The following SOAT2 variants were observed in gnomAD, a reference collection of about 807,000 sequenced individuals.
SOAT2 encodes the protein sterol O-acyltransferase 2, also known as ACAT-2.
A neutral mutation model predicts 76.0 loss-of-function variants in SOAT2; 87 were observed. The ratio of observed to expected loss-of-function variants is 1.14; its 90% CI spans 0.96 to 1.37. SOAT2 has a LOEUF of 1.37. Ranked by LOEUF, SOAT2 falls within the 40% of genes most tolerant of loss-of-function variation. The pLI is 0.00. For missense variants in SOAT2, 686 were observed against 682.1 expected (o/e 1.01, Z -0.06); for synonymous variants, 285 against 275.4 (o/e 1.03, Z -0.34).
intron 5 of SOAT2, among the ~76,000 whole-genome samples, chr12:53,109,591 C>T (rs1158016793): frequency 6.6e-6 from 1 of 152,116 alleles, no homozygotes; most frequent in Non-Finnish European, 1.5e-5. Context: ...AAGTGATTCT[C>T]CTGCCTCAGC....
chr12:53,106,212 TTGTC>T lies in SOAT2; in HGVS notation c.443+203_443+206del, dbSNP rs1461208880. Among the ~76,000 whole-genome samples, 241 of 152,374 alleles carry T rather than the reference TTGTC, an allele frequency of 1.6e-3. 3 individuals are homozygous for T. Among genetic ancestry groups the T allele is most frequent in the South Asian group, 1.4e-3 (7 of 4,834 alleles). ...TCCTTCCCCAGCCTTGGTTGGCCCT[TTGTC>T]TGTCCTCCCAGGGCCGGCCACTCTC... On this transcript the variant is annotated intron_variant, in intron 5 of 14. Transcript: ENST00000301466.
chr12:53,117,278 T>C (rs1242801326), intron 7 of SOAT2, among the ~76,000 whole-genome samples: 1 of 148,908 alleles, frequency 6.7e-6, no homozygotes, highest in Non-Finnish European at 1.5e-5. Context: ...TTTTTTTTTT[T>C]TTTTTTTTTA....
In SOAT2 at chr12:53,124,327, G is replaced by A. The variant is rs1447401525; in HGVS notation, c.*204G>A. 1.6e-6 allele frequency: 1 copy of A among 612,788 alleles called. No homozygotes were observed. The highest frequency in any genetic ancestry group is 2.9e-6 in the Non-Finnish European group (1 of 342,630). 38.0% of individuals were successfully genotyped at this position (612,788 alleles called of 1,614,324 possible). A position where few individuals can be genotyped will look rare whatever the true frequency, so the allele number is the denominator to read the frequency against. Reference sequence around the variant, plus strand: ...ACAGACCTCAGCATGGGGGTGACCAGGGTGACTCTTCAATCCCTATCCCCA... The same window carrying A: ...ACAGACCTCAGCATGGGGGTGACCAAGGTGACTCTTCAATCCCTATCCCCA... On this transcript the variant is annotated 3_prime_UTR_variant, in exon 15 of 15. Coordinates refer to ENST00000301466, the MANE Select transcript of SOAT2 (RefSeq NM_003578.4).
intron 7 of SOAT2, among the ~76,000 whole-genome samples, chr12:53,116,735 G>A (rs1251499083): frequency 6.6e-6 from 1 of 151,886 alleles, no homozygotes; most frequent in African/African-American, 2.4e-5. Context: ...AGGTGTGGTG[G>A]CTAATGCCTG....
intron 12 of SOAT2, among the ~76,000 whole-genome samples, chr12:53,122,544 A>C (rs1250512727): frequency 2.0e-5 from 3 of 151,640 alleles, no homozygotes; most frequent in Non-Finnish European, 4.4e-5. Flanking sequence ...CTTAACCAGC[A>C]TGCTGCCTTC....
At chr12:53,107,034 A>G (rs1298490333) in intron 5 of SOAT2, among the ~76,000 whole-genome samples, 2 of 152,164 alleles carry the variant, frequency 1.3e-5, no homozygotes, top group Non-Finnish European at 2.9e-5. Context: ...CAGCCTTTGT[A>G]TAAGGGCACT....
chr12:53,115,601 G>A lies in SOAT2; in HGVS notation c.655G>A (p.Ala219Thr), dbSNP rs372035522. 7.0e-6 allele frequency: 11 copies of A among 1,571,578 alleles called. No homozygotes were observed. Among genetic ancestry groups the A allele is most frequent in the African/African-American group, 4.0e-5 (3 of 74,342 alleles). Residue 219 changes from alanine to threonine, a missense_variant, in exon 6 of 15, where the codon GCC (alanine) becomes ACC (threonine). Coordinates refer to ENST00000301466, the MANE Select transcript of SOAT2 (RefSeq NM_003578.4). ...GCTCTGCGCGCTGCCGGTCCACGTG[G>A]CCGTGGAGCATCAGCTCCCGCCGGC... ...VVLCALPVHVAVEHQLPPASR... is the reference protein window; with the variant it reads ...VVLCALPVHVTVEHQLPPASR...
At chr12:53,107,810 A>C (rs934237219) in intron 5 of SOAT2, among the ~76,000 whole-genome samples, 10 of 151,766 alleles carry the variant, frequency 6.6e-5, no homozygotes, top group Non-Finnish European at 1.5e-4. Flanking sequence ...TTTAGTAGAG[A>C]CTGGGTTTCA....
At position 53,119,187 on chromosome 12, in the gene SOAT2, A is replaced by T; in HGVS notation, c.973A>T (p.Asn325Tyr). 6.2e-7 allele frequency: 1 copy of T among 1,613,796 alleles called. No individual in the cohort carries two copies. The highest frequency in any genetic ancestry group is 2.2e-5 in the East Asian group (1 of 44,806). ...CCGCCTCTGTGTTCCTGTCTTTGCC[A>T]ACATGAGCCGAGAGCCCTTCAGCAC... ...LGRLCVPVFA[N>Y]MSREPFSTRA... The change falls in exon 10 of 15, where the codon AAC (asparagine) becomes TAC (tyrosine). Residue 325 changes from asparagine (N) to tyrosine (Y), a missense_variant. By Grantham distance (143) the Asn-to-Tyr change is moderately radical. Transcript: ENST00000301466.
Position 53,119,157 on chromosome 12 carries a change from C to T in SOAT2, c.943C>T (p.Leu315=), listed in dbSNP as rs1180278542. Residue 315 remains leucine (L), a synonymous_variant, in exon 10 of 15, where the codon CTG becomes TTG. Transcript: ENST00000301466. ...ATGTGTGCTCTATGCCTGCTTCATC[C>T]TGGGCCGCCTCTGTGTTCCTGTCTT... ...LGCVLYACFI[L]GRLCVPVFAN... The T allele has an allele frequency of 6.2e-7, 1 of 1,613,956 alleles. No homozygotes were observed. The highest frequency in any genetic ancestry group is 8.5e-7 in the Non-Finnish European group (1 of 1,179,956).
rs760762412 is a variant in SOAT2 at position 53,118,363 on chromosome 12, G to A, written c.792G>A (p.Gln264=). The A allele has an allele frequency of 1.9e-6, 3 of 1,612,788 alleles. No individual in the cohort carries two copies. The highest frequency in any genetic ancestry group is 2.5e-6 in the Non-Finnish European group (3 of 1,179,374). The change falls in exon 8 of 15, where the codon CAG becomes CAA. Residue 264 remains glutamine, a synonymous_variant. Transcript: ENST00000301466. ...TLRARRGEGI[Q]APSFSSYLYF... ...ATTCCTCCCCAGGTGAGGGGATCCA[G>A]GCCCCCAGTTTCTCCAGCTACCTCT... is the stretch of plus-strand genomic sequence containing the variant.
At chr12:53,124,017 C>A (rs2121311039) in intron 14 of SOAT2, 56 bp from the exon 15 acceptor site, 4 of 1,608,106 alleles carry the variant, frequency 2.5e-6, no homozygotes, top group Non-Finnish European at 3.4e-6. Context: ...GTCTTGGATG[C>A]ATGGGTTGAG....
At position 53,107,622 on chromosome 12, in the gene SOAT2, C is replaced by CTTTTTTTTTTTTTTTTTTTT. The variant is rs1303838303; in HGVS notation, c.443+1626_443+1627insTTTTTTTTTTTTTTTTTTTT. 5.8e-4 allele frequency among the ~76,000 whole-genome samples: 68 copies of CTTTTTTTTTTTTTTTTTTTT among 117,010 alleles called. 12 individuals are homozygous for CTTTTTTTTTTTTTTTTTTTT. The highest frequency in any genetic ancestry group is 2.3e-3 in the African/African-American group (62 of 27,198). The allele number at this position is 117,010 out of a possible 152,430, so 76.8% of individuals were successfully genotyped here. A position where few individuals can be genotyped will look rare whatever the true frequency, so the allele number is the denominator to read the frequency against. ...AGACTAGAATTTAACAACAGATGTA[C>CTTTTTTTTTTTTTTTTTTTT]TTTTTTTTTTTTTTTTTTGAGACAG... On this transcript the variant is annotated intron_variant, in intron 5 of 14. Coordinates refer to ENST00000301466, the MANE Select transcript of SOAT2 (RefSeq NM_003578.4).
chr12:53,113,478 C>T (rs752071575), intron 5 of SOAT2, among the ~76,000 whole-genome samples: 3 of 152,168 alleles, frequency 2.0e-5, no homozygotes, highest in Non-Finnish European at 4.4e-5. Flanking sequence ...ACTGTCTCAT[C>T]GCAAGCCACT....
At chr12:53,122,660 G>T (rs2121307060) in intron 12 of SOAT2, among the ~76,000 whole-genome samples, 1 of 152,136 alleles carries the variant, frequency 6.6e-6, no homozygotes, top group East Asian at 1.9e-4. Flanking sequence ...TAAGGTCACA[G>T]ATCAACAGGA....
At chr12:53,120,677 G>C in intron 10 of SOAT2, 109 bp from the exon 11 acceptor site, 1 of 700,378 alleles carries the variant, frequency 1.4e-6, no homozygotes, top group Non-Finnish European at 2.6e-6. Context: ...TGAATGGTAA[G>C]AGTTGGGGCC....
chr12:53,103,523 G>T lies in SOAT2; in HGVS notation c.-55G>T. 1 of 1,478,392 alleles carries T rather than the reference G, an allele frequency of 6.8e-7. No individual in the cohort carries two copies. The allele number at this position is 1,478,392 out of a possible 1,614,324, so 91.6% of individuals were successfully genotyped here. ...AGCTCTACAGGGCAGGCCACACTGCGAAGGAAGGAGGCAACACGGGCAAGG... is the reference window on the plus strand; with the variant it reads ...AGCTCTACAGGGCAGGCCACACTGCTAAGGAAGGAGGCAACACGGGCAAGG... On this transcript the variant is annotated 5_prime_UTR_variant, in exon 1 of 15. Transcript: ENST00000301466.
intron 13 of SOAT2, 43 bp downstream of exon 13, chr12:53,123,259 G>T: frequency 6.2e-7 from 1 of 1,610,680 alleles, no homozygotes. Context: ...CATCCAGAGG[G>T]AGGCCTGCAT....
In SOAT2 at chr12:53,104,016, C is replaced by T. The variant is rs35983915; in HGVS notation, c.83-135C>T. On this transcript the variant is annotated intron_variant, in intron 1 of 14. Coordinates refer to ENST00000301466, the MANE Select transcript of SOAT2 (RefSeq NM_003578.4). ...AACTTCCCCTTCTAGTAGCCCCAAC[C>T]ATGATACTAGATATTGGCTGGTTGG... 203 of 820,344 alleles carry T rather than the reference C, an allele frequency of 2.5e-4. 1 individual carries two copies. In the East Asian group the frequency reaches 4.9e-3, roughly 20 times the overall value. 50.8% of individuals were successfully genotyped at this position (820,344 alleles called of 1,614,324 possible).
Sources: gnomAD v4.1 joint callset for allele counts (sites outside exome capture counted in the v4.1 genomes callset) on GRCh38, gnomAD v4.1.1 for gene constraint, MANE v1.5 for transcripts, NCBI Gene and HGNC (gene_info 2026-07-23, HGNC 2026-07-21) for gene names.